The following RBM23 variants were observed in gnomAD, a reference collection of about 807,000 sequenced individuals.
The protein encoded by RBM23 is probable RNA-binding protein 23.
A neutral mutation model predicts 56.2 loss-of-function variants in RBM23; 53 were observed. The ratio of observed to expected loss-of-function variants is 0.94; its 90% CI spans 0.76 to 1.19. The LOEUF (loss-of-function observed/expected upper bound fraction) is 1.19. RBM23 is among the 50% of genes most tolerant of loss of function. RBM23 has a pLI of 0.00. For missense variants in RBM23, 642 were observed against 590.3 expected, an observed-to-expected ratio of 1.09 and a Z score of -0.91; for synonymous variants, 197 against 198.5, an observed-to-expected ratio of 0.99 and a Z score of 0.06.
chr14:22,912,472 C>T (rs2042693180), intron 1 of RBM23, among the ~76,000 whole-genome samples: 1 of 152,176 alleles, frequency 6.6e-6, no homozygotes, highest in Admixed American at 6.6e-5. Flanking sequence ...CAAGCTTTCA[C>T]ATCTAGAAAC....
At chr14:22,904,116 G>A in intron 10 of RBM23, 145 bp downstream of exon 10, 1 of 1,547,200 alleles carries the variant, frequency 6.5e-7, no homozygotes, top group South Asian at 1.2e-5. Context: ...ATCTCAAGGG[G>A]TAGAAGGCTA....
chr14:22,907,001 C>T (rs143467306), intron 4 of RBM23, among the ~76,000 whole-genome samples: 263 of 152,220 alleles, frequency 1.7e-3, no homozygotes, highest in African/African-American at 6.0e-3. Context: ...TGGTGAAACC[C>T]CATCTCTACC....
At chr14:22,911,504 A>G in intron 1 of RBM23, 101 bp from the exon 2 acceptor site, 1 of 948,402 alleles carries the variant, frequency 1.1e-6, no homozygotes, top group Non-Finnish European at 1.6e-6. Flanking sequence ...ACTTCAGGAT[A>G]TACAGATTTC....
rs2040303524 is a variant in RBM23, at chr14:22,899,375, A to AG, written c.*2354dup. On this transcript the variant is annotated 3_prime_UTR_variant, in exon 14 of 14. Coordinates refer to ENST00000359890, the MANE Select transcript of RBM23 (RefSeq NM_001077351.2). ...GAAATTCCCAGCCTCCAGAACTGTG[A>AG]GAAATACACTTTTCTGTTTTTTTGA... is the stretch of plus-strand genomic sequence containing the variant. 1 of 152,428 alleles carries AG rather than the reference A, an allele frequency of 6.6e-6. No individual in the cohort carries two copies. The highest frequency in any genetic ancestry group is 2.4e-5 in the African/African-American group (1 of 41,442). 9.4% of individuals were successfully genotyped at this position (152,428 alleles called of 1,614,324 possible).
At position 22,904,971 on chromosome 14, in the gene RBM23, T is replaced by TGCA; in HGVS notation, c.767_768insTGC (p.Gln256delinsHisAla). Reference sequence around the variant, plus strand: ...GGCGCATTGGTCCACCATTGCCCTTTTGCAGGTTGTTGGCCATGGCTGCCA... The same window carrying TGCA: ...GGCGCATTGGTCCACCATTGCCCTTTGCATGCAGGTTGTTGGCCATGGCTGCCA... On this transcript the variant is annotated protein_altering_variant, in exon 9 of 14. Coordinates refer to ENST00000359890, the MANE Select transcript of RBM23 (RefSeq NM_001077351.2). The TGCA allele has an allele frequency of 6.2e-7, 1 of 1,614,214 alleles. No homozygotes were observed. Among genetic ancestry groups the TGCA allele is most frequent in the East Asian group, 2.2e-5 (1 of 44,892 alleles).
At chr14:22,902,830 A>G in intron 10 of RBM23, 1 of 930,404 alleles carries the variant, frequency 1.1e-6, no homozygotes, top group Non-Finnish European at 1.3e-6. Flanking sequence ...GCTAGAGTGC[A>G]GTGGCACCAT....
chr14:22,911,409 G>C lies in RBM23; in HGVS notation c.-10-6C>G, dbSNP rs754594807. On this transcript the variant is annotated splice_region_variant and splice_polypyrimidine_tract_variant and intron_variant, in intron 1 of 13. Transcript: ENST00000359890. ...CAGATGCCATCCTGTCAGATCTGGGGAGAGGATATTAATATGTAAGAATCT... is the reference window on the plus strand; with the variant it reads ...CAGATGCCATCCTGTCAGATCTGGGCAGAGGATATTAATATGTAAGAATCT... 2 of 1,609,618 alleles carry C rather than the reference G, an allele frequency of 1.2e-6. No individual in the cohort carries two copies. The highest frequency in any genetic ancestry group is 2.2e-5 in the South Asian group (2 of 90,902).
intron 2 of RBM23, among the ~76,000 whole-genome samples, chr14:22,909,914 A>C (rs1368517032): frequency 6.6e-6 from 1 of 151,988 alleles, no homozygotes; most frequent in Non-Finnish European, 1.5e-5. Context: ...GCACTTTTAA[A>C]GGCTGAGGCA....
rs960127288 is a variant in RBM23 at position 22,898,907 on chromosome 14, C to T, written c.*2823G>A. The T allele has an allele frequency of 6.6e-6, 1 of 152,166 alleles. No homozygotes were observed. Among genetic ancestry groups the T allele is most frequent in the Non-Finnish European group, 1.5e-5 (1 of 68,040 alleles). 9.4% of individuals were successfully genotyped at this position (152,166 alleles called of 1,614,324 possible). A position where few individuals can be genotyped will look rare whatever the true frequency, so the allele number is the denominator to read the frequency against. ...GATACATTAGAAGCCAAATCAATAA[C>T]TGTAGGGGTGCTGGGTCATAGCCAG... On this transcript the variant is annotated 3_prime_UTR_variant, in exon 14 of 14. Coordinates refer to ENST00000359890, the MANE Select transcript of RBM23 (RefSeq NM_001077351.2).
In RBM23 at chr14:22,904,949, G is replaced by T; in HGVS notation, c.790C>A (p.Arg264Ser). Residue 264 changes from arginine to serine, a missense_variant, in exon 9 of 14, where the codon CGC becomes AGC. By Grantham distance (110) the Arg-to-Ser change is moderately radical. Coordinates refer to ENST00000359890, the MANE Select transcript of RBM23 (RefSeq NM_001077351.2). ...AAGTGCAGGGAACCCACATAGAGGC[G>T]CATTGGTCCACCATTGCCCTTTTGC... Reference protein sequence around the residue: ...NLQKGNGGPMRLYVGSLHFNI... With the variant: ...NLQKGNGGPMSLYVGSLHFNI... The T allele has an allele frequency of 1.2e-6, 2 of 1,614,212 alleles. No homozygotes were observed. Among genetic ancestry groups the T allele is most frequent in the East Asian group, 2.2e-5 (1 of 44,888 alleles).
chr14:22,900,781 T>TA lies in RBM23; in HGVS notation c.*948_*949insT, dbSNP rs1566511364. Reference sequence around the variant, plus strand: ...GAGGCTTGCCTTTTGTACAAAGTTTTTATGTATATATATATGTATATATAT... The same window carrying TA: ...GAGGCTTGCCTTTTGTACAAAGTTTTATATGTATATATATATGTATATATAT... On this transcript the variant is annotated 3_prime_UTR_variant, in exon 14 of 14. Transcript: ENST00000359890. 19 of 151,168 alleles carry TA rather than the reference T, an allele frequency of 1.3e-4. No homozygotes were observed. In the South Asian group the frequency reaches 1.5e-3, roughly 12 times the overall value. The allele number at this position is 151,168 out of a possible 1,614,324, so 9.4% of individuals were successfully genotyped here. A position where few individuals can be genotyped will look rare whatever the true frequency, so the allele number is the denominator to read the frequency against.
Position 22,905,209 on chromosome 14 carries a change from C to T in RBM23, c.611G>A (p.Arg204His), listed in dbSNP as rs900220724. ...CACGTAGGCAATGCCCTTAGAACGACGTGAGTTCCGATCTGAGATGATACG... is the reference window on the plus strand; with the variant it reads ...CACGTAGGCAATGCCCTTAGAACGATGTGAGTTCCGATCTGAGATGATACG... ...DVRIISDRNS[R>H]RSKGIAYVEF... is the part of the protein sequence containing the mutation. The change falls in exon 8 of 14, where the codon CGT becomes CAT. Residue 204 changes from arginine to histidine, a missense_variant. Physicochemically the swap from Arg to His is conservative, Grantham distance 29 (BLOSUM62 0). Coordinates refer to ENST00000359890, the MANE Select transcript of RBM23 (RefSeq NM_001077351.2). The T allele has an allele frequency of 1.7e-5, 27 of 1,614,032 alleles. No homozygotes were observed. The highest frequency in any genetic ancestry group is 3.3e-5 in the Admixed American group (2 of 59,994).
Position 22,908,337 on chromosome 14 carries a change from G to T in RBM23, c.223C>A (p.Arg75Ser). The T allele has an allele frequency of 6.5e-7, 1 of 1,549,524 alleles. No homozygotes were observed. Among genetic ancestry groups the T allele is most frequent in the Non-Finnish European group, 8.7e-7 (1 of 1,146,844 alleles). The change falls in exon 4 of 14, where the codon CGC becomes AGC. Residue 75 changes from arginine (R) to serine (S), a missense_variant. By Grantham distance (110) the Arg-to-Ser change is moderately radical. Transcript: ENST00000359890. Reference sequence around the variant, plus strand: ...GCCTGGCCCAGAATTACTGACCTGCGCTTTCTATCCCTGCTTTTATTATGG... The same window carrying T: ...GCCTGGCCCAGAATTACTGACCTGCTCTTTCTATCCCTGCTTTTATTATGG... ...RSHNKSRDRK[R>S]SRSRDRDRYR... is the part of the protein sequence containing the mutation.
In RBM23 at chr14:22,900,002, T is replaced by A. The variant is rs563474149; in HGVS notation, c.*1728A>T. On this transcript the variant is annotated 3_prime_UTR_variant, in exon 14 of 14. Transcript: ENST00000359890. The stretch of plus-strand genomic sequence containing the variant: ...GGTCCCTAAGCTGGGTGAGACAGCC[T>A]CTCTCCCACCCCCTTATTATTAAGG... 9.2e-5 allele frequency: 14 copies of A among 152,156 alleles called. No homozygotes were observed. In the South Asian group the frequency reaches 2.9e-3, roughly 32 times the overall value. The allele number at this position is 152,156 out of a possible 1,614,324, so 9.4% of individuals were successfully genotyped here. A position where few individuals can be genotyped will look rare whatever the true frequency, so the allele number is the denominator to read the frequency against.
In RBM23 at chr14:22,897,502, C is replaced by T. The variant is rs982451661; in HGVS notation, c.*4228G>A. 2.0e-5 allele frequency: 3 copies of T among 152,196 alleles called. No individual in the cohort carries two copies. Among genetic ancestry groups the T allele is most frequent in the African/African-American group, 7.2e-5 (3 of 41,450 alleles). 9.4% of individuals were successfully genotyped at this position (152,196 alleles called of 1,614,324 possible). A position where few individuals can be genotyped will look rare whatever the true frequency, so the allele number is the denominator to read the frequency against. ...GCAAGATGCTGAGCCTACAGTAGGT[C>T]TGGCCTCAAGCTGCTTCAAGATAAG... On this transcript the variant is annotated 3_prime_UTR_variant, in exon 14 of 14. Transcript: ENST00000359890.
At position 22,900,413 on chromosome 14, in the gene RBM23, C is replaced by G. The variant is rs2040351588; in HGVS notation, c.*1317G>C. On this transcript the variant is annotated 3_prime_UTR_variant, in exon 14 of 14. Coordinates refer to ENST00000359890, the MANE Select transcript of RBM23 (RefSeq NM_001077351.2). The stretch of plus-strand genomic sequence containing the variant: ...TCATAGTGCCATCTGCTGGAAAGAT[C>G]TGTCATTAGGCACAGAGAAGGAGCC... The G allele has an allele frequency of 7.4e-6, 1 of 135,604 alleles. No homozygotes were observed. The highest frequency in any genetic ancestry group is 1.5e-5 in the Non-Finnish European group (1 of 64,728). 8.4% of individuals were successfully genotyped at this position (135,604 alleles called of 1,614,324 possible). A position where few individuals can be genotyped will look rare whatever the true frequency, so the allele number is the denominator to read the frequency against.
intron 1 of RBM23, among the ~76,000 whole-genome samples, chr14:22,914,367 C>CT (rs143839485): frequency 0.028 from 4,261 of 151,268 alleles, 201 homozygotes; most frequent in African/African-American, 0.097. Context: ...TGGCAAGCAC[C>CT]TGTAATCCCA....
intron 1 of RBM23, among the ~76,000 whole-genome samples, chr14:22,916,504 G>A (rs1294040788): frequency 4.7e-5 from 7 of 149,338 alleles, no homozygotes; most frequent in South Asian, 4.2e-4. Flanking sequence ...TCAAACTCCC[G>A]GACTCAACAG....
intron 9 of RBM23, 139 bp from the exon 10 acceptor site, chr14:22,904,465 G>A: frequency 1.4e-6 from 1 of 722,116 alleles, no homozygotes; most frequent in Non-Finnish European, 2.3e-6. Context: ...GACAGAGTGA[G>A]ACCTTGTCTC....
Sources: allele counts gnomAD v4.1 joint callset (sites outside exome capture counted in the v4.1 genomes callset), GRCh38; gene constraint gnomAD v4.1.1; transcripts MANE v1.5; gene names NCBI Gene and HGNC (gene_info 2026-07-23, HGNC 2026-07-21).